SLC28A1: variants seen among roughly 807,000 people sequenced by gnomAD.
The protein encoded by SLC28A1 is sodium/nucleoside cotransporter 1.
In SLC28A1, 64 loss-of-function variants were observed where a neutral mutation model predicts 74.8. The observed-to-expected ratio is 0.86, with a 90% CI of 0.70 to 1.05. The LOEUF (loss-of-function observed/expected upper bound fraction) is 1.05. Among genes scored for constraint, SLC28A1 ranks in the 50% least tolerant of loss-of-function variants. The pLI is 0.00. For missense variants in SLC28A1, 828 were observed against 822.8 expected (o/e 1.01, Z -0.08); for synonymous variants, 359 against 335.0 (o/e 1.07, Z -0.78).
chr15:84,923,790 G>A (rs948973570), intron 11 of SLC28A1, among the ~76,000 whole-genome samples, 195 bp from the exon 12 acceptor site: 2 of 152,124 alleles, frequency 1.3e-5, no homozygotes, highest in Admixed American at 1.3e-4. Context: ...AGGCCGGGAG[G>A]GAGGGATGGG....
chr15:84,908,737 A>G lies in SLC28A1; in HGVS notation c.737A>G (p.Lys246Arg), dbSNP rs771314989. The G allele has an allele frequency of 1.9e-6, 3 of 1,613,950 alleles. No individual in the cohort carries two copies. Among genetic ancestry groups the G allele is most frequent in the Admixed American group, 3.3e-5 (2 of 60,022 alleles). ...EQIRIFLSYTKAGSSFVFGEA... is the reference protein window; with the variant it reads ...EQIRIFLSYTRAGSSFVFGEA... The stretch of plus-strand genomic sequence containing the variant: ...TTTCAGATCTTCCTGAGCTACACGA[A>G]GGCTGGCTCCAGCTTCGTGTTTGGG... The change falls in exon 9 of 19, where the codon AAG becomes AGG. Residue 246 changes from lysine (K) to arginine (R), a missense_variant. Physicochemically the swap from Lys to Arg is conservative, Grantham distance 26. Around this residue, in one of 3 missense-constraint regions of SLC28A1, gnomAD observed 767 missense variants for 753.5 expected, o/e 1.02. Coordinates refer to ENST00000394573, the MANE Select transcript of SLC28A1 (RefSeq NM_004213.5).
intron 9 of SLC28A1, among the ~76,000 whole-genome samples, chr15:84,909,303 G>A (rs893290337): frequency 2.0e-5 from 3 of 152,076 alleles, no homozygotes; most frequent in Non-Finnish European, 4.4e-5. Flanking sequence ...CCTCCTTTGT[G>A]ACCTCCTCAA....
At chr15:84,963,827 C>A in the SLC28A1 span, among the ~76,000 whole-genome samples, 1 of 152,138 alleles carries the variant, frequency 6.6e-6, no homozygotes, top group South Asian at 2.1e-4. Flanking sequence ...CCCTGATGAC[C>A]CCCTATTTCA....
intron 6 of SLC28A1, among the ~76,000 whole-genome samples, chr15:84,900,077 G>A (rs1966495432): frequency 6.6e-6 from 1 of 152,126 alleles, no homozygotes; most frequent in South Asian, 2.1e-4. Flanking sequence ...AGCAATTTGG[G>A]AGGCCGAGTT....
At position 84,944,784 on chromosome 15, in the gene SLC28A1, A is replaced by G. The variant is rs1220980904; in HGVS notation, c.1791A>G (p.Glu597=). ...TCCTCTACATGCCCAGGGGGGCTGA[A>G]GTTGACTGCATGTCCCTCTTGAACA... is the stretch of plus-strand genomic sequence containing the variant. The part of the protein sequence containing the change: ...AGILYMPRGA[E]VDCMSLLNTT... The change falls in exon 18 of 19, where the codon GAA becomes GAG. Residue 597 remains glutamate, a synonymous_variant. Coordinates refer to ENST00000394573, the MANE Select transcript of SLC28A1 (RefSeq NM_004213.5). The G allele has an allele frequency of 6.8e-6, 11 of 1,613,964 alleles. No homozygotes were observed. Among genetic ancestry groups the G allele is most frequent in the Non-Finnish European group, 6.8e-6 (8 of 1,179,950 alleles).
the SLC28A1 span, among the ~76,000 whole-genome samples, chr15:84,971,565 A>G: frequency 6.6e-6 from 1 of 152,072 alleles, no homozygotes; most frequent in Non-Finnish European, 1.5e-5. Context: ...TGTGGCCCTC[A>G]CCAGAACCAG....
At chr15:84,902,620 C>T (rs147628749) in intron 6 of SLC28A1, among the ~76,000 whole-genome samples, 2 of 151,902 alleles carry the variant, frequency 1.3e-5, no homozygotes, top group East Asian at 1.9e-4. Flanking sequence ...AAGGAGTATA[C>T]GTATGCCAAA....
chr15:84,895,439 G>A (rs1339344654), intron 6 of SLC28A1: 4 of 1,613,822 alleles, frequency 2.5e-6, no homozygotes, highest in Non-Finnish European at 3.4e-6. Context: ...CACCTGGACA[G>A]TGTGAGACAA....
chr15:84,894,384 A>AG (rs1965709757), intron 5 of SLC28A1, among the ~76,000 whole-genome samples: 1 of 151,582 alleles, frequency 6.6e-6, no homozygotes, highest in Non-Finnish European at 1.5e-5. Flanking sequence ...AAAAAAAAAA[A>AG]AAAAATCTAG....
At chr15:84,963,906 C>T in the SLC28A1 span, among the ~76,000 whole-genome samples, 1 of 152,192 alleles carries the variant, frequency 6.6e-6, no homozygotes, top group Non-Finnish European at 1.5e-5. Context: ...GCTTTCAGTC[C>T]CTTGAAGGAG....
intron 12 of SLC28A1, chr15:84,926,448 C>T: frequency 2.4e-6 from 1 of 418,496 alleles, no homozygotes; most frequent in Non-Finnish European, 4.8e-6. Flanking sequence ...AGCAATCCTC[C>T]TGCCTTGGCC....
intron 9 of SLC28A1, among the ~76,000 whole-genome samples, chr15:84,912,882 T>C (rs1968556877): frequency 6.6e-6 from 1 of 151,224 alleles, no homozygotes; most frequent in Admixed American, 6.6e-5. Context: ...TCATTGGATT[T>C]GGTAGTTAAG....
chr15:84,907,034 AAAAT>A (rs1055981326), intron 8 of SLC28A1, among the ~76,000 whole-genome samples: 3 of 152,222 alleles, frequency 2.0e-5, no homozygotes, highest in African/African-American at 7.2e-5. Context: ...GCAGAAACAG[AAAAT>A]AAATAGCAGA....
intron 13 of SLC28A1, among the ~76,000 whole-genome samples, chr15:84,934,618 T>A (rs1019485759): frequency 7.2e-5 from 11 of 152,206 alleles, no homozygotes; most frequent in African/African-American, 2.4e-4. Flanking sequence ...AGTTGTCTTT[T>A]AAAAAGTGAA....
At chr15:84,933,118 C>T (rs773854037) in intron 12 of SLC28A1, 27 bp from the exon 13 acceptor site, 3 of 1,611,504 alleles carry the variant, frequency 1.9e-6, no homozygotes, top group Non-Finnish European at 2.5e-6. Flanking sequence ...GACTGTCCAC[C>T]TAGAACCTGC....
chr15:84,960,509 C>T, the SLC28A1 span, among the ~76,000 whole-genome samples: 1 of 152,020 alleles, frequency 6.6e-6, no homozygotes, highest in Admixed American at 6.5e-5. Context: ...CCACCTGACT[C>T]GGCCGGCCAA....
At chr15:84,910,836 C>T (rs1017158940) in intron 9 of SLC28A1, among the ~76,000 whole-genome samples, 8 of 152,174 alleles carry the variant, frequency 5.3e-5, no homozygotes, top group East Asian at 1.9e-4. Context: ...CTGAGGAGTG[C>T]GTATAAGGAG....
At chr15:84,910,912 G>A (rs995319635) in intron 9 of SLC28A1, among the ~76,000 whole-genome samples, 1 of 152,160 alleles carries the variant, frequency 6.6e-6, no homozygotes, top group African/African-American at 2.4e-5. Context: ...ATGGAGTTTA[G>A]GACAGAAGAG....
chr15:84,946,779 C>T (rs1229167969), downstream of SLC28A1, among the ~76,000 whole-genome samples: 1 of 152,130 alleles, frequency 6.6e-6, no homozygotes, highest in Non-Finnish European at 1.5e-5. Context: ...GGCCCGATGT[C>T]CCTCCCCTGC....
Sources: allele counts gnomAD v4.1 joint callset (sites outside exome capture counted in the v4.1 genomes callset), GRCh38; gene constraint gnomAD v4.1.1; regional missense constraint gnomAD v4.1.1; transcripts MANE v1.5; gene names NCBI Gene and HGNC (gene_info 2026-07-23, HGNC 2026-07-21).